Variants in KYAT3 observed in about 807,000 individuals in gnomAD.
KYAT3 encodes kynurenine--oxoglutarate transaminase 3.
In KYAT3, 50 loss-of-function variants were observed where a neutral mutation model predicts 59.0. The observed-to-expected ratio is 0.85, with a 90% CI of 0.68 to 1.07. The LOEUF (loss-of-function observed/expected upper bound fraction) is 1.07, where lower values mean the gene tolerates loss of function less well. KYAT3 is among the 50% of genes least tolerant of loss of function. The probability of loss-of-function intolerance (pLI) is 0.00; values close to 1 mark genes in which losing one functional copy is unlikely to be tolerated. For missense variants in KYAT3, 497 were observed against 533.3 expected (o/e 0.93, Z 0.67); for synonymous variants, 148 against 177.0 (o/e 0.84, Z 1.30).
intron 8 of KYAT3, among the ~76,000 whole-genome samples, chr1:88,957,571 T>G (rs780643505): frequency 3.9e-5 from 6 of 152,178 alleles, no homozygotes; most frequent in Non-Finnish European, 5.9e-5. Context: ...TTCTAAATAA[T>G]GAAATAGTGT....
intron 8 of KYAT3, among the ~76,000 whole-genome samples, chr1:88,959,697 C>A (rs1246447465): frequency 6.6e-6 from 1 of 151,468 alleles, no homozygotes; most frequent in Non-Finnish European, 1.5e-5. Flanking sequence ...TATCTAAGTA[C>A]ATGCTAGTTT....
In KYAT3 at chr1:88,978,673, T is replaced by C. The variant is rs1676917141; in HGVS notation, c.100-9206A>G. ...GCACCACACCTGGCTAATTTTGTTC[T>C]TAATTTTTTTTTTTTTTGGTAGAGA... On this transcript the variant is annotated intron_variant, in intron 2 of 13. Transcript: ENST00000260508. Among the ~76,000 whole-genome samples, 3 of 140,362 alleles carry C rather than the reference T, an allele frequency of 2.1e-5. No homozygotes were observed. In the Admixed American group the frequency reaches 2.3e-4, roughly 11 times the overall value. The allele number at this position is 140,362 out of a possible 152,430, so 92.1% of individuals were successfully genotyped here.
At chr1:88,984,395 G>C (rs1207007669) in intron 2 of KYAT3, among the ~76,000 whole-genome samples, 2 of 151,842 alleles carry the variant, frequency 1.3e-5, no homozygotes, top group Non-Finnish European at 2.9e-5. Flanking sequence ...TTGTATTTTA[G>C]TAGAGCAGGG....
chr1:88,955,192 G>A lies in KYAT3; in HGVS notation c.821C>T (p.Thr274Ile). Residue 274 changes from threonine to isoleucine, a missense_variant, in exon 9 of 14, where the codon ACA becomes ATA. Around this residue, in one of 2 missense-constraint regions of KYAT3, gnomAD observed 469 missense variants for 479.1 expected, o/e 0.98. Coordinates refer to ENST00000260508, the MANE Select transcript of KYAT3 (RefSeq NM_001008661.3). Reference sequence around the variant, plus strand: ...GAAAGTCTTTCCAGCACTTCCTATTGTTATTGTTCTCTCCCACATACCTGG... The same window carrying A: ...GAAAGTCTTTCCAGCACTTCCTATTATTATTGTTCTCTCCCACATACCTGG... ...TFPGMWERTI[T>I]IGSAGKTFSV... is the part of the protein sequence containing the mutation. The A allele has an allele frequency of 6.2e-7, 1 of 1,612,252 alleles. No individual in the cohort carries two copies. The highest frequency in any genetic ancestry group is 2.2e-5 in the East Asian group (1 of 44,822).
At position 88,954,273 on chromosome 1, in the gene KYAT3, T is replaced by C. The variant is rs186278973; in HGVS notation, c.864+876A>G. Among the ~76,000 whole-genome samples the C allele has an allele frequency of 9.4e-4, 143 of 152,328 alleles. 1 individual carries two copies. The highest frequency in any genetic ancestry group is 3.2e-3 in the African/African-American group (134 of 41,578). On this transcript the variant is annotated intron_variant, in intron 9 of 13. Coordinates refer to ENST00000260508, the MANE Select transcript of KYAT3 (RefSeq NM_001008661.3). ...ATTGGGTTTTAACTGGATAAATTAT[T>C]GTAATAAATAATACAGTGGTTAAGT...
intron 13 of KYAT3, among the ~76,000 whole-genome samples, chr1:88,940,589 T>G (rs1036814920): frequency 6.6e-6 from 1 of 152,188 alleles, no homozygotes; most frequent in Non-Finnish European, 1.5e-5. Context: ...ATACAGTTGA[T>G]GTAGGGTTCA....
chr1:88,923,853 G>T, the KYAT3 span: 1 of 176,054 alleles, frequency 5.7e-6, no homozygotes. Flanking sequence ...AACTGCGATG[G>T]CTGCTCAGTC....
chr1:88,960,683 T>C (rs1287624260), intron 8 of KYAT3, among the ~76,000 whole-genome samples: 1 of 152,094 alleles, frequency 6.6e-6, no homozygotes, highest in Admixed American at 6.5e-5. Flanking sequence ...GTTGACATGG[T>C]TTGGACTACC....
rs1675576003 is a variant in KYAT3, at chr1:88,949,224, T to C, written c.1008A>G (p.Glu336=). The change falls in exon 11 of 14, where the codon GAA becomes GAG. Residue 336 remains glutamate (E), a synonymous_variant. Transcript: ENST00000260508. ...WIDIKRMDDP[E]CYFNSLPKEL... is the part of the protein sequence containing the mutation. ...CTTTTGGCAAAGAATTAAAGTAACATTCTGGGTCATCCATGCGCTTGATGT... is the reference window on the plus strand; with the variant it reads ...CTTTTGGCAAAGAATTAAAGTAACACTCTGGGTCATCCATGCGCTTGATGT... 6.2e-7 allele frequency: 1 copy of C among 1,607,348 alleles called. No individual in the cohort carries two copies. The highest frequency in any genetic ancestry group is 8.5e-7 in the Non-Finnish European group (1 of 1,177,806).
In KYAT3 at chr1:88,956,264, CT is replaced by C. The variant is rs573595275; in HGVS notation, c.788-1040del. ...ATAATGTTGCCTTGTTTGACCTCGA[CT>C]GGGAATGTGTGTAGGGTGACTCAAA... On this transcript the variant is annotated intron_variant, in intron 8 of 13. Transcript: ENST00000260508. 5.6e-3 allele frequency among the ~76,000 whole-genome samples: 850 copies of C among 152,260 alleles called. 11 individuals carry two copies. The highest frequency in any genetic ancestry group is 0.02 in the African/African-American group (818 of 41,540).
intron 2 of KYAT3, among the ~76,000 whole-genome samples, chr1:88,986,236 G>A (rs1677447557): frequency 6.6e-6 from 1 of 151,396 alleles, no homozygotes; most frequent in Non-Finnish European, 1.5e-5. Context: ...CCTTAAGGAA[G>A]GACAGACCTA....
chr1:88,985,088 C>G (rs1418700824), intron 2 of KYAT3, among the ~76,000 whole-genome samples: 1 of 152,208 alleles, frequency 6.6e-6, no homozygotes, highest in Admixed American at 6.5e-5. Flanking sequence ...AAGGCTTTCT[C>G]TAAATCTGAA....
the KYAT3 span, chr1:88,923,590 T>G: frequency 6.3e-6 from 1 of 158,742 alleles, no homozygotes; most frequent in Non-Finnish European, 1.4e-5. Context: ...CTAAACAAAA[T>G]GACTCTGGGA....
At position 88,936,091 on chromosome 1, in the gene KYAT3, T is replaced by C. The variant is rs538173263; in HGVS notation, c.*92A>G. On this transcript the variant is annotated 3_prime_UTR_variant, in exon 14 of 14. Transcript: ENST00000260508. ...GGAAATATTTAAATTCCAGTTGTAC[T>C]GAAATACCTTTTAACATCCAGCAGG... The C allele has an allele frequency of 1.1e-5, 9 of 818,176 alleles. No homozygotes were observed. Among genetic ancestry groups the C allele is most frequent in the African/African-American group, 6.7e-5 (4 of 59,310 alleles). The allele number at this position is 818,176 out of a possible 1,614,324, so 50.7% of individuals were successfully genotyped here. A position where few individuals can be genotyped will look rare whatever the true frequency, so the allele number is the denominator to read the frequency against.
intron 2 of KYAT3, among the ~76,000 whole-genome samples, chr1:88,972,570 T>C (rs907725052): frequency 6.6e-6 from 1 of 152,242 alleles, no homozygotes; most frequent in African/African-American, 2.4e-5. Flanking sequence ...CTTGGTGGCC[T>C]AAAATCATAA....
intron 8 of KYAT3, among the ~76,000 whole-genome samples, chr1:88,958,919 A>G (rs1395528395): frequency 2.6e-5 from 4 of 152,162 alleles, no homozygotes; most frequent in African/African-American, 9.7e-5. Flanking sequence ...CTCATATTCA[A>G]AGTCCTTTAG....
At chr1:88,928,493 G>A in the KYAT3 span, among the ~76,000 whole-genome samples, 19 of 152,244 alleles carry the variant, frequency 1.2e-4, 1 homozygote, top group Middle Eastern at 0.01. Context: ...TGCTTCCAGT[G>A]CGGTCTACAA....
chr1:88,967,430 A>G (rs1485877536), intron 4 of KYAT3, among the ~76,000 whole-genome samples: 1 of 151,908 alleles, frequency 6.6e-6, no homozygotes, highest in Non-Finnish European at 1.5e-5. Flanking sequence ...GGTTTTTGTC[A>G]TTAAAATTAA....
At position 88,961,525 on chromosome 1, in the gene KYAT3, G is replaced by T. The variant is rs367799162; in HGVS notation, c.541-19C>A. 249 of 1,594,088 alleles carry T rather than the reference G, an allele frequency of 1.6e-4. No homozygotes were observed. The highest frequency in any genetic ancestry group is 1.2e-3 in the Middle Eastern group (7 of 5,932). ...CAGGTTTCTAAGCATGAAGAATGAA[G>T]ATATAATTTAATTCAATTAAGTCAT... On this transcript the variant is annotated intron_variant, in intron 6 of 13. Transcript: ENST00000260508.
Sources: gnomAD v4.1 joint callset for allele counts (sites outside exome capture counted in the v4.1 genomes callset) on GRCh38, gnomAD v4.1.1 for gene constraint, gnomAD v4.1.1 regional missense constraint, MANE v1.5 for transcripts, NCBI Gene and HGNC (gene_info 2026-07-23, HGNC 2026-07-21) for gene names.